The following ZFYVE28 variants were observed in gnomAD, a reference collection of about 807,000 sequenced individuals.
The protein encoded by ZFYVE28 is lateral signaling target protein 2 homolog.
A neutral mutation model predicts 82.1 loss-of-function variants in ZFYVE28; 40 were observed. That is an observed-to-expected ratio of 0.49 (90% confidence interval 0.38 to 0.63). The LOEUF (loss-of-function observed/expected upper bound fraction) is 0.63, where lower values mean the gene tolerates loss of function less well. Among genes scored for constraint, ZFYVE28 ranks in the 30% least tolerant of loss-of-function variants. The probability of loss-of-function intolerance (pLI) is 0.00; values close to 1 mark genes in which losing one functional copy is unlikely to be tolerated. For missense variants in ZFYVE28, 1,321 were observed against 1,242.1 expected (o/e 1.06, Z -0.96); for synonymous variants, 612 against 546.1 (o/e 1.12, Z -1.68).
intron 7 of ZFYVE28, chr4:2,307,024 G>T (rs1458102161): frequency 6.6e-6 from 1 of 152,342 alleles, no homozygotes; most frequent in Non-Finnish European, 1.5e-5. Flanking sequence ...AGGCACACCT[G>T]CCCACAGCTT....
intron 8 of ZFYVE28, among the ~76,000 whole-genome samples, chr4:2,275,770 T>C (rs4974666): frequency 0.64 from 97,175 of 152,276 alleles, 32,112 homozygotes; most frequent in African/African-American, 0.81. Flanking sequence ...GTCTACACTC[T>C]GGAGCCCGGT....
At chr4:2,318,211 C>T (rs1009032297) in intron 7 of ZFYVE28, among the ~76,000 whole-genome samples, 4 of 152,202 alleles carry the variant, frequency 2.6e-5, no homozygotes, top group Admixed American at 2.6e-4. Context: ...GCTCCCTTCC[C>T]CAGGCTCTTA....
At chr4:2,405,314 G>A (rs922249891) in intron 1 of ZFYVE28, among the ~76,000 whole-genome samples, 6 of 152,348 alleles carry the variant, frequency 3.9e-5, no homozygotes, top group Non-Finnish European at 4.4e-5. Context: ...GAGCTTTGAG[G>A]CAGGCCTTAC....
chr4:2,403,860 T>A (rs1208844199), intron 1 of ZFYVE28, among the ~76,000 whole-genome samples: 1 of 150,988 alleles, frequency 6.6e-6, no homozygotes, highest in Non-Finnish European at 1.5e-5. Flanking sequence ...TCCCAGCTAC[T>A]CAGGAGGCTA....
chr4:2,383,991 C>A (rs930050595), intron 1 of ZFYVE28, among the ~76,000 whole-genome samples: 1 of 152,190 alleles, frequency 6.6e-6, no homozygotes, highest in African/African-American at 2.4e-5. Flanking sequence ...GTCCCCATCA[C>A]CCTGAAGTGT....
chr4:2,399,458 A>G (rs189663283), intron 1 of ZFYVE28, among the ~76,000 whole-genome samples: 621 of 152,206 alleles, frequency 4.1e-3, no homozygotes, highest in Middle Eastern at 0.017. Context: ...GCTGCCCCCA[A>G]CCATGTCCCC....
chr4:2,392,153 CAA>C (rs778576253), intron 1 of ZFYVE28, among the ~76,000 whole-genome samples: 8 of 128,914 alleles, frequency 6.2e-5, no homozygotes, highest in South Asian at 2.5e-4. Context: ...GACTCCATCC[CAA>C]AAAAAAAAAA....
At chr4:2,296,079 G>A (rs577658176) in intron 8 of ZFYVE28, among the ~76,000 whole-genome samples, 50 of 152,298 alleles carry the variant, frequency 3.3e-4, no homozygotes, top group African/African-American at 1.1e-3. Flanking sequence ...GGGGACCTGC[G>A]GTAATGACCA....
At chr4:2,299,977 T>C (rs1715265667) in intron 8 of ZFYVE28, among the ~76,000 whole-genome samples, 1 of 152,080 alleles carries the variant, frequency 6.6e-6, no homozygotes, top group South Asian at 2.1e-4. Flanking sequence ...ACTTTTACTT[T>C]TCATGAGATG....
In ZFYVE28 at chr4:2,409,864, G is replaced by A. The variant is rs1047296146; in HGVS notation, c.39+8421C>T. Among the ~76,000 whole-genome samples the A allele has an allele frequency of 3.9e-5, 6 of 152,196 alleles. No individual in the cohort carries two copies. Among genetic ancestry groups the A allele is most frequent in the African/African-American group, 1.4e-4 (6 of 41,436 alleles). ...AGCACAGGGTGGGAGGAGAGGCTGGGCTGGGACTTGAGGATCCATCTTCAG... is the reference window on the plus strand; with the variant it reads ...AGCACAGGGTGGGAGGAGAGGCTGGACTGGGACTTGAGGATCCATCTTCAG... On this transcript the variant is annotated intron_variant, in intron 1 of 12. Transcript: ENST00000290974. The surrounding 1 kb of genome is among the most constrained non-coding windows in gnomAD (Gnocchi z 4.4).
chr4:2,300,719 C>T lies in ZFYVE28; in HGVS notation c.2051+3570G>A, dbSNP rs1435781336. On this transcript the variant is annotated intron_variant, in intron 8 of 12. Transcript: ENST00000290974. The surrounding 1 kb of genome is among the most constrained non-coding windows in gnomAD (Gnocchi z 4.6). ...TCTCGGGGGAATCTCACAGGCTGGT[C>T]GGCCGCAGCTCCACACATTTCCTTC... Among the ~76,000 whole-genome samples, 2 of 152,086 alleles carry T rather than the reference C, an allele frequency of 1.3e-5. No homozygotes were observed. Among genetic ancestry groups the T allele is most frequent in the Non-Finnish European group, 2.9e-5 (2 of 68,008 alleles).
chr4:2,346,129 C>A (rs1159291689), intron 2 of ZFYVE28, among the ~76,000 whole-genome samples: 3 of 147,784 alleles, frequency 2.0e-5, no homozygotes, highest in Non-Finnish European at 3.0e-5. Context: ...GAGATCGAGA[C>A]CATCCTGGCT....
rs1289875338 is a variant in ZFYVE28, at chr4:2,416,866, T to C, written c.39+1419A>G. 4.1e-5 allele frequency among the ~76,000 whole-genome samples: 6 copies of C among 146,308 alleles called. No homozygotes were observed. The highest frequency in any genetic ancestry group is 1.6e-4 in the African/African-American group (6 of 37,898). The stretch of plus-strand genomic sequence containing the variant: ...GGGGCGCCCCATGTACCGTAAGCCC[T>C]CAACCCAACACTCCGGCAACGACAA... On this transcript the variant is annotated intron_variant, in intron 1 of 12. Transcript: ENST00000290974. This position sits in a 1 kb window ranked among gnomAD's most constrained non-coding sequence, Gnocchi z 4.6.
Position 2,418,510 on chromosome 4 carries a change from C to T in ZFYVE28, c.-187G>A. 4.5e-6 allele frequency: 1 copy of T among 222,962 alleles called. No individual in the cohort carries two copies. Among genetic ancestry groups the T allele is most frequent in the East Asian group, 1.7e-4 (1 of 5,872 alleles). The allele number at this position is 222,962 out of a possible 1,614,324, so 13.8% of individuals were successfully genotyped here. On this transcript the variant is annotated 5_prime_UTR_variant, in exon 1 of 13. Coordinates refer to ENST00000290974, the MANE Select transcript of ZFYVE28 (RefSeq NM_020972.3). This position sits in a 1 kb window ranked among gnomAD's most constrained non-coding sequence, Gnocchi z 4.6. ...GCAGGTGCGCGGGGCAGGTGCGCGG[C>T]CCTGAGTATGCTCTGCAAGCGGCGC... is the stretch of plus-strand genomic sequence containing the variant.
chr4:2,274,254 C>A (rs1418288273), intron 8 of ZFYVE28, 38 bp from the exon 9 acceptor site: 1 of 1,597,262 alleles, frequency 6.3e-7, no homozygotes, highest in Admixed American at 1.7e-5. Flanking sequence ...TGGGGTGGGG[C>A]ATGATAAGGG....
At position 2,354,058 on chromosome 4, in the gene ZFYVE28, G is replaced by T; in HGVS notation, c.55C>A (p.Leu19Met). 1 of 1,570,022 alleles carries T rather than the reference G, an allele frequency of 6.4e-7. No homozygotes were observed. The highest frequency in any genetic ancestry group is 8.6e-7 in the Non-Finnish European group (1 of 1,157,888). ...TCGGCATAGTAGAACCGGGCAAGCA[G>T]CTGCGGATCCGACCTCTGCAGGAGA... ...LYKPKRSDPQ[L>M]LARFYYADEE... Residue 19 changes from leucine to methionine, a missense_variant, in exon 2 of 13, where the codon CTG (leucine) becomes ATG (methionine). This residue lies in a region of ZFYVE28 where 343 missense variants were observed against 408.4 expected (regional missense o/e 0.84). Coordinates refer to ENST00000290974, the MANE Select transcript of ZFYVE28 (RefSeq NM_020972.3).
At chr4:2,343,485 AAAAAAT>A in intron 2 of ZFYVE28, 1 of 152,364 alleles carries the variant, frequency 6.6e-6, no homozygotes, top group South Asian at 2.1e-4. Context: ...TTTATAATAC[AAAAAAT>A]AAAAATAAAA....
chr4:2,304,226 G>A lies in ZFYVE28; in HGVS notation c.2051+63C>T, dbSNP rs552182723. On this transcript the variant is annotated intron_variant, in intron 8 of 12. Coordinates refer to ENST00000290974, the MANE Select transcript of ZFYVE28 (RefSeq NM_020972.3). Reference sequence around the variant, plus strand: ...AAACACTGCAATGCTTGGAGAATGCGCCAGCACCTGCCCCCCAGTGCAGAG... The same window carrying A: ...AAACACTGCAATGCTTGGAGAATGCACCAGCACCTGCCCCCCAGTGCAGAG... 292 of 1,496,496 alleles carry A rather than the reference G, an allele frequency of 2.0e-4. 1 individual carries two copies. The East Asian group carries it at 3.1e-3, about 16-fold the overall frequency. The allele number at this position is 1,496,496 out of a possible 1,614,324, so 92.7% of individuals were successfully genotyped here. A position where few individuals can be genotyped will look rare whatever the true frequency, so the allele number is the denominator to read the frequency against.
In ZFYVE28 at chr4:2,358,201, C is replaced by T. The variant is rs188266591; in HGVS notation, c.40-4128G>A. On this transcript the variant is annotated intron_variant, in intron 1 of 12. Transcript: ENST00000290974. The stretch of plus-strand genomic sequence containing the variant: ...ACATGCACCTGTCCATGGCTGTGTG[C>T]GTGTGAATCTGTGCGTTGTGCATAA... Among the ~76,000 whole-genome samples, 453 of 152,274 alleles carry T rather than the reference C, an allele frequency of 3.0e-3. 4 individuals carry two copies. Among genetic ancestry groups the T allele is most frequent in the Non-Finnish European group, 3.4e-3 (229 of 68,012 alleles).
Sources: gnomAD v4.1 joint callset for allele counts (sites outside exome capture counted in the v4.1 genomes callset) on GRCh38, gnomAD v4.1.1 for gene constraint, gnomAD v4.1.1 regional missense constraint, Gnocchi (gnomAD v3.1) non-coding constraint, MANE v1.5 for transcripts, NCBI Gene and HGNC (gene_info 2026-07-23, HGNC 2026-07-21) for gene names.